The following MLPH variants were observed in gnomAD, a reference collection of about 807,000 sequenced individuals.
The protein encoded by MLPH is melanophilin, also known as exophilin-3.
Under a neutral mutation model 72.1 loss-of-function variants are expected in MLPH, and 51 were observed. The ratio of observed to expected loss-of-function variants is 0.71; its 90% CI spans 0.56 to 0.89. The LOEUF (loss-of-function observed/expected upper bound fraction) is 0.89, where lower values mean the gene tolerates loss of function less well. Ranked by LOEUF, MLPH falls within the 40% of genes least tolerant of loss-of-function variation. The pLI is 0.00. For synonymous variants in MLPH, 301 were observed against 310.1 expected (o/e 0.97, Z 0.31); for missense variants, 743 against 759.9 (o/e 0.98, Z 0.26).
At chr2:237,499,282 C>T (rs1320756585) in intron 2 of MLPH, among the ~76,000 whole-genome samples, 2 of 151,930 alleles carry the variant, frequency 1.3e-5, no homozygotes, top group Admixed American at 1.3e-4. Flanking sequence ...CTGTCCAGGA[C>T]AGAAGTTACT....
chr2:237,502,858 C>A (rs1273597430), intron 2 of MLPH, among the ~76,000 whole-genome samples: 1 of 152,084 alleles, frequency 6.6e-6, no homozygotes, highest in Admixed American at 6.5e-5. Flanking sequence ...GTGACTGATG[C>A]CTGTAACCCT....
At chr2:237,502,991 C>T (rs1436038431) in intron 2 of MLPH, among the ~76,000 whole-genome samples, 4 of 151,986 alleles carry the variant, frequency 2.6e-5, no homozygotes, top group African/African-American at 7.3e-5. Context: ...TGATGGCAGG[C>T]GCCTGTTGTC....
Position 237,553,721 on chromosome 2 carries a change from C to T in MLPH, c.*129C>T. 7.7e-7 allele frequency: 1 copy of T among 1,298,912 alleles called. No individual in the cohort carries two copies. Among genetic ancestry groups the T allele is most frequent in the African/African-American group, 1.5e-5 (1 of 68,702 alleles). The allele number at this position is 1,298,912 out of a possible 1,614,324, so 80.5% of individuals were successfully genotyped here. Reference sequence around the variant, plus strand: ...CCCAATGAGAAACAAGAAGGAGCACCCTCCACATGGACTCCCACCTGCAAG... The same window carrying T: ...CCCAATGAGAAACAAGAAGGAGCACTCTCCACATGGACTCCCACCTGCAAG... On this transcript the variant is annotated 3_prime_UTR_variant, in exon 16 of 16. Transcript: ENST00000264605.
Position 237,491,995 on chromosome 2 carries a change from C to T in MLPH, c.-24-1408C>T, listed in dbSNP as rs6733241. ...AGGGGTCTGAGGACAACAGCATGGG[C>T]CAACACGTGCACTCGAGCTGCCTGG... is the stretch of plus-strand genomic sequence containing the variant. On this transcript the variant is annotated intron_variant, in intron 1 of 15. Coordinates refer to ENST00000264605, the MANE Select transcript of MLPH (RefSeq NM_024101.7). 1.4e-3 allele frequency among the ~76,000 whole-genome samples: 209 copies of T among 152,256 alleles called. 2 individuals are homozygous for T. Among genetic ancestry groups the T allele is most frequent in the African/African-American group, 4.9e-3 (204 of 41,542 alleles).
chr2:237,539,526 T>G (rs535178561), intron 9 of MLPH, among the ~76,000 whole-genome samples: 1 of 152,172 alleles, frequency 6.6e-6, no homozygotes, highest in Non-Finnish European at 1.5e-5. Flanking sequence ...TAATTTTGTG[T>G]TTTTATCACA....
In MLPH at chr2:237,553,866, ATGT is replaced by A; in HGVS notation, c.*278_*280del. ...GCTGCTGTGACTTCCCTTTAGGACA[ATGT>A]TGTGTAAATCTTTGAAGGACACACC... On this transcript the variant is annotated 3_prime_UTR_variant, in exon 16 of 16. Coordinates refer to ENST00000264605, the MANE Select transcript of MLPH (RefSeq NM_024101.7). 1 of 633,982 alleles carries A rather than the reference ATGT, an allele frequency of 1.6e-6. No individual in the cohort carries two copies. Among genetic ancestry groups the A allele is most frequent in the Non-Finnish European group, 2.9e-6 (1 of 342,134 alleles). 39.3% of individuals were successfully genotyped at this position (633,982 alleles called of 1,614,324 possible).
At chr2:237,537,691 C>T (rs1036854996) in intron 9 of MLPH, 2 of 152,252 alleles carry the variant, frequency 1.3e-5, no homozygotes, top group Non-Finnish European at 2.9e-5. Flanking sequence ...CAATAGGCTT[C>T]GTCCAAATAG....
chr2:237,533,203 T>C (rs2080458222), intron 8 of MLPH, among the ~76,000 whole-genome samples: 2 of 152,142 alleles, frequency 1.3e-5, no homozygotes, highest in African/African-American at 2.4e-5. Context: ...CACCCTCTCC[T>C]GGGGAGTGGG....
chr2:237,511,246 G>T, intron 4 of MLPH, 145 bp downstream of exon 4: 2 of 638,908 alleles, frequency 3.1e-6, no homozygotes, highest in Admixed American at 2.7e-5. Context: ...ATGCCTCTCT[G>T]TGAATTCCTG....
chr2:237,501,412 A>C (rs1205696007), intron 2 of MLPH, among the ~76,000 whole-genome samples: 2 of 138,826 alleles, frequency 1.4e-5, no homozygotes, highest in Non-Finnish European at 3.0e-5. Flanking sequence ...GTAAATGTTT[A>C]CTTTTAGCAT....
At chr2:237,511,142 AT>A in intron 4 of MLPH, 41 bp downstream of exon 4, 1 of 1,500,408 alleles carries the variant, frequency 6.7e-7, no homozygotes, top group Non-Finnish European at 9.3e-7. Context: ...GTTCCCAGGC[AT>A]TTTAGGAATA....
chr2:237,546,738 C>T (rs1168580579), intron 13 of MLPH, 55 bp downstream of exon 13: 4 of 1,466,722 alleles, frequency 2.7e-6, no homozygotes, highest in Non-Finnish European at 3.8e-6. Context: ...AAGACTGCAC[C>T]CCTTTCCAGC....
intron 12 of MLPH, chr2:237,545,679 C>A: frequency 8.1e-7 from 1 of 1,227,868 alleles, no homozygotes; most frequent in African/African-American, 1.6e-5. Flanking sequence ...TGATCCCATT[C>A]AGGAATCTTC....
chr2:237,532,258 C>T (rs1291295759), intron 8 of MLPH, among the ~76,000 whole-genome samples: 1 of 152,246 alleles, frequency 6.6e-6, no homozygotes, highest in Admixed American at 6.5e-5. Context: ...TTTATCACAG[C>T]TCATCTGAGG....
chr2:237,514,926 T>A (rs2079982063), intron 4 of MLPH, among the ~76,000 whole-genome samples: 1 of 152,222 alleles, frequency 6.6e-6, no homozygotes, highest in African/African-American at 2.4e-5. Flanking sequence ...AAGCAGTGAA[T>A]GGCAGTGGCA....
In MLPH at chr2:237,510,610, G is replaced by A; in HGVS notation, c.147G>A (p.Lys49=). 6.2e-7 allele frequency: 1 copy of A among 1,613,644 alleles called. No homozygotes were observed. Among genetic ancestry groups the A allele is most frequent in the African/African-American group, 1.3e-5 (1 of 75,052 alleles). The change falls in exon 3 of 16, where the codon AAG becomes AAA. Residue 49 remains lysine (K), a synonymous_variant. Coordinates refer to ENST00000264605, the MANE Select transcript of MLPH (RefSeq NM_024101.7). The surrounding 1 kb of genome is among the most constrained non-coding windows in gnomAD (Gnocchi z 4.4). ...GCAAGATTAAGAAGGAAAGCTCCAA[G>A]AGGGAGCTGCTTTCCGACACTGCCC... ...LKGKIKKESS[K]RELLSDTAHL...
In MLPH at chr2:237,542,551, T is replaced by C; in HGVS notation, c.1447-16T>C. ...GCGTCTGTCTGACGGGCCTTCTGTC[T>C]GCTGTCCTCTCGCAGGTTTCAGACA... On this transcript the variant is annotated splice_polypyrimidine_tract_variant and intron_variant, in intron 11 of 15. Coordinates refer to ENST00000264605, the MANE Select transcript of MLPH (RefSeq NM_024101.7). The C allele has an allele frequency of 6.3e-7, 1 of 1,581,040 alleles. No homozygotes were observed. The highest frequency in any genetic ancestry group is 8.6e-7 in the Non-Finnish European group (1 of 1,162,294).
rs1450407953 is a variant in MLPH at position 237,547,226 on chromosome 2, A to T, written c.1617+543A>T. ...GGCGCTGGCTGCCAGAGGTGAAAAC[A>T]CTCAGGAGCCAGTGTGCTCGAAAAT... On this transcript the variant is annotated intron_variant, in intron 13 of 15. Coordinates refer to ENST00000264605, the MANE Select transcript of MLPH (RefSeq NM_024101.7). Among the ~76,000 whole-genome samples the T allele has an allele frequency of 2.0e-5, 3 of 152,280 alleles. No individual in the cohort carries two copies. In the East Asian group the frequency reaches 5.8e-4, roughly 29 times the overall value.
In MLPH at chr2:237,510,600, A is replaced by C. The variant is rs148838629; in HGVS notation, c.137A>C (p.Glu46Ala). ...LEALKGKIKK[E>A]SSKRELLSDT... Reference sequence around the variant, plus strand: ...GCGTTGAAGGGCAAGATTAAGAAGGAAAGCTCCAAGAGGGAGCTGCTTTCC... The same window carrying C: ...GCGTTGAAGGGCAAGATTAAGAAGGCAAGCTCCAAGAGGGAGCTGCTTTCC... Residue 46 changes from glutamate (E) to alanine (A), a missense_variant, in exon 3 of 16, where the codon GAA becomes GCA. Transcript: ENST00000264605. The surrounding 1 kb of genome is among the most constrained non-coding windows in gnomAD (Gnocchi z 4.4). 6.2e-7 allele frequency: 1 copy of C among 1,613,380 alleles called. No homozygotes were observed. The highest frequency in any genetic ancestry group is 1.3e-5 in the African/African-American group (1 of 74,942).
Sources: allele counts gnomAD v4.1 joint callset (sites outside exome capture counted in the v4.1 genomes callset), GRCh38; gene constraint gnomAD v4.1.1; non-coding constraint Gnocchi (gnomAD v3.1); transcripts MANE v1.5; gene names NCBI Gene and HGNC (gene_info 2026-07-23, HGNC 2026-07-21).